Variants in BMPR1B observed in about 807,000 individuals in gnomAD.
BMPR1B encodes the protein bone morphogenetic protein receptor type 1B, also known as bone morphogenetic protein receptor type-1B.
In BMPR1B, 12 loss-of-function variants were observed where a neutral mutation model predicts 59.1. The observed-to-expected ratio is 0.20, with a 90% CI of 0.13 to 0.33. BMPR1B has a LOEUF of 0.33. Among genes scored for constraint, BMPR1B ranks in the 10% least tolerant of loss-of-function variants. BMPR1B has a pLI of 1.00. For synonymous variants in BMPR1B, 237 were observed against 207.3 expected, an observed-to-expected ratio of 1.14 and a Z score of -1.23; for missense variants, 550 against 610.9, an observed-to-expected ratio of 0.90 and a Z score of 1.05.
At position 94,940,648 on chromosome 4, in the gene BMPR1B, G is replaced by A. The variant is rs145892995; in HGVS notation, c.-112-55392G>A. Among the ~76,000 whole-genome samples, 379 of 152,306 alleles carry A rather than the reference G, an allele frequency of 2.5e-3. 3 individuals are homozygous for A. The highest frequency in any genetic ancestry group is 8.8e-3 in the African/African-American group (364 of 41,566). On this transcript the variant is annotated intron_variant, in intron 2 of 12. Coordinates refer to ENST00000515059, the MANE Select transcript of BMPR1B (RefSeq NM_001203.3). ...TTAGATTTATCCATTATTCAACTCA[G>A]TGTTTCTTTGCCGTGTCACTAGCTA...
In BMPR1B at chr4:95,040,593, A is replaced by G. The variant is rs141432827; in HGVS notation, c.-18+44459A>G. 3.9e-5 allele frequency among the ~76,000 whole-genome samples: 6 copies of G among 152,280 alleles called. No individual in the cohort carries two copies. The East Asian group carries it at 1.2e-3, about 29-fold the overall frequency. On this transcript the variant is annotated intron_variant, in intron 3 of 12. Transcript: ENST00000515059. ...TTGGTAAAGAAGAAAATGTCCTTAG[A>G]ATCTCTTTCAAATAGAGCTTCTGGC...
At chr4:94,957,281 G>A (rs141350655) in intron 2 of BMPR1B, among the ~76,000 whole-genome samples, 3 of 148,144 alleles carry the variant, frequency 2.0e-5, no homozygotes, top group Admixed American at 2.0e-4. Context: ...GTGTGAGACT[G>A]GTTTCCACTT....
chr4:95,018,957 A>G (rs1723779909), intron 3 of BMPR1B, among the ~76,000 whole-genome samples: 1 of 152,188 alleles, frequency 6.6e-6, no homozygotes, highest in South Asian at 2.1e-4. Context: ...AATCCTTGTC[A>G]GCAATGTCTG....
chr4:94,836,788 T>C (rs1374802430), intron 1 of BMPR1B, among the ~76,000 whole-genome samples: 1 of 148,420 alleles, frequency 6.7e-6, no homozygotes, highest in African/African-American at 2.5e-5. Flanking sequence ...CAATTTTGTC[T>C]TCTGTTGCCA....
intron 3 of BMPR1B, among the ~76,000 whole-genome samples, chr4:95,059,210 T>A (rs553026794): frequency 6.6e-6 from 1 of 152,316 alleles, no homozygotes; most frequent in South Asian, 2.1e-4. Context: ...AAGAGTTCCA[T>A]TGTGACATGT....
intron 2 of BMPR1B, among the ~76,000 whole-genome samples, chr4:94,953,538 A>C (rs2149057653): frequency 6.6e-6 from 1 of 152,304 alleles, no homozygotes; most frequent in East Asian, 1.9e-4. Flanking sequence ...TTGGCTGAAT[A>C]TGAAATTCTG....
intron 12 of BMPR1B, 129 bp downstream of exon 12, chr4:95,152,902 C>A: frequency 8.4e-7 from 1 of 1,184,092 alleles, no homozygotes; most frequent in Non-Finnish European, 1.2e-6. Flanking sequence ...CGCCTCATTG[C>A]AGTAATTTAT....
chr4:95,052,317 A>G (rs1726565198), intron 3 of BMPR1B, among the ~76,000 whole-genome samples: 1 of 152,182 alleles, frequency 6.6e-6, no homozygotes, highest in Non-Finnish European at 1.5e-5. Flanking sequence ...CAGAAGAATT[A>G]TTATTTTATG....
At chr4:95,015,762 G>T (rs1475692971) in intron 3 of BMPR1B, among the ~76,000 whole-genome samples, 2 of 151,162 alleles carry the variant, frequency 1.3e-5, no homozygotes, top group Admixed American at 1.3e-4. Context: ...GCACGGTCTC[G>T]GCTCACTGCA....
chr4:95,099,157 G>C (rs1160822184), intron 3 of BMPR1B, among the ~76,000 whole-genome samples: 1 of 152,174 alleles, frequency 6.6e-6, no homozygotes, highest in East Asian at 1.9e-4. Flanking sequence ...AGTGGATTTA[G>C]TGTTAACTAC....
At chr4:94,855,310 GA>G (rs1434248174) in intron 1 of BMPR1B, among the ~76,000 whole-genome samples, 6 of 152,138 alleles carry the variant, frequency 3.9e-5, no homozygotes, top group African/African-American at 1.4e-4. Flanking sequence ...TCATTTGATA[GA>G]AAAGAAATCA....
intron 2 of BMPR1B, among the ~76,000 whole-genome samples, chr4:94,990,217 G>A (rs772160233): frequency 5.3e-5 from 8 of 152,166 alleles, no homozygotes; most frequent in Non-Finnish European, 7.4e-5. Context: ...TTAGCCAGGC[G>A]TAGTGGCAGG....
chr4:95,154,414 T>C (rs1380843431), intron 12 of BMPR1B, 134 bp from the exon 13 acceptor site: 2 of 1,259,744 alleles, frequency 1.6e-6, no homozygotes, highest in African/African-American at 3.0e-5. Context: ...GCTTACAGAA[T>C]TTTACTTCTA....
rs377605293 is a variant in BMPR1B at position 94,762,764 on chromosome 4, T to C, written c.-183+4696T>C. On this transcript the variant is annotated intron_variant, in intron 1 of 12. Transcript: ENST00000515059. ...TATGAAAATGATGTAGCTGAGAGTTTGTTGGCTTGGCCAAGGGTGGAACCT... is the reference window on the plus strand; with the variant it reads ...TATGAAAATGATGTAGCTGAGAGTTCGTTGGCTTGGCCAAGGGTGGAACCT... Among the ~76,000 whole-genome samples, 16 of 152,216 alleles carry C rather than the reference T, an allele frequency of 1.1e-4. No individual in the cohort carries two copies. In the East Asian group the frequency reaches 1.4e-3, roughly 13 times the overall value.
intron 10 of BMPR1B, among the ~76,000 whole-genome samples, chr4:95,139,754 C>T (rs916177083): frequency 5.9e-5 from 9 of 152,214 alleles, no homozygotes; most frequent in Non-Finnish European, 1.3e-4. Flanking sequence ...ATATAATCTC[C>T]TGGTGTGCCG....
intron 2 of BMPR1B, among the ~76,000 whole-genome samples, chr4:94,980,706 A>C (rs1731202934): frequency 6.6e-6 from 1 of 152,160 alleles, no homozygotes; most frequent in Non-Finnish European, 1.5e-5. Context: ...TGGCCACCCA[A>C]AACCCTGAAT....
chr4:94,937,802 A>G (rs1282243895), intron 2 of BMPR1B, among the ~76,000 whole-genome samples: 1 of 152,002 alleles, frequency 6.6e-6, no homozygotes, highest in Admixed American at 6.6e-5. Flanking sequence ...CAGTTATCGG[A>G]TAGCAATCAT....
intron 3 of BMPR1B, among the ~76,000 whole-genome samples, chr4:95,096,798 T>C (rs11732048): frequency 0.49 from 67,106 of 136,834 alleles, 16,859 homozygotes; most frequent in East Asian, 0.69. Context: ...TATATCTATA[T>C]ATAGAATATA....
In BMPR1B at chr4:94,880,661, C is replaced by CA. The variant is rs61441763; in HGVS notation, c.-113+4762dup. Among the ~76,000 whole-genome samples, 1,017 of 109,038 alleles carry CA rather than the reference C, an allele frequency of 9.3e-3. 19 individuals are homozygous for CA. Among genetic ancestry groups the CA allele is most frequent in the African/African-American group, 0.034 (957 of 28,440 alleles). The allele number at this position is 109,038 out of a possible 152,430, so 71.5% of individuals were successfully genotyped here. On this transcript the variant is annotated intron_variant, in intron 2 of 12. Coordinates refer to ENST00000515059, the MANE Select transcript of BMPR1B (RefSeq NM_001203.3). ...TTTTTTTTTTTTTTTTTTTTTGAGA[C>CA]AGAGTTTCACTCTGTCACCCAGGCT...
Sources: gnomAD v4.1 joint callset for allele counts (sites outside exome capture counted in the v4.1 genomes callset) on GRCh38, gnomAD v4.1.1 for gene constraint, MANE v1.5 for transcripts, NCBI Gene and HGNC (gene_info 2026-07-23, HGNC 2026-07-21) for gene names.